STXBP6: variants seen among roughly 807,000 people sequenced by gnomAD.
STXBP6 encodes the protein syntaxin binding protein 6.
Under a neutral mutation model 26.9 loss-of-function variants are expected in STXBP6, and 21 were observed. The observed-to-expected ratio is 0.78, with a 90% CI of 0.55 to 1.12. STXBP6 has a LOEUF of 1.12. Ranked by LOEUF, STXBP6 falls within the 50% of genes most tolerant of loss-of-function variation. STXBP6 has a pLI of 0.00. For synonymous variants in STXBP6, 97 were observed against 92.6 expected, an observed-to-expected ratio of 1.05 and a Z score of -0.27; for missense variants, 232 against 257.9, an observed-to-expected ratio of 0.90 and a Z score of 0.69.
chr14:24,953,613 T>C (rs890894504), intron 2 of STXBP6, among the ~76,000 whole-genome samples: 4 of 152,236 alleles, frequency 2.6e-5, no homozygotes, highest in African/African-American at 9.6e-5. Flanking sequence ...CCAAGTTCTT[T>C]TGTTCTATGT....
At chr14:24,987,947 G>C (rs2074374921) in intron 1 of STXBP6, 1 of 935,880 alleles carries the variant, frequency 1.1e-6, no homozygotes, top group African/African-American at 1.8e-5. Flanking sequence ...GAGCAACAAA[G>C]TACTTTCCCT....
intron 1 of STXBP6, among the ~76,000 whole-genome samples, chr14:25,025,825 C>G (rs767834520): frequency 7.9e-5 from 12 of 152,156 alleles, no homozygotes; most frequent in Non-Finnish European, 1.8e-4. Context: ...TTTCTAAACT[C>G]TAAATTCAAT....
At chr14:24,846,508 T>A (rs961439077) in intron 4 of STXBP6, among the ~76,000 whole-genome samples, 1 of 152,206 alleles carries the variant, frequency 6.6e-6, no homozygotes, top group African/African-American at 2.4e-5. Context: ...TTGTTTTCCA[T>A]ATTTGTTTTG....
At chr14:24,879,224 T>C (rs1016194049) in intron 2 of STXBP6, among the ~76,000 whole-genome samples, 1 of 152,190 alleles carries the variant, frequency 6.6e-6, no homozygotes, top group Non-Finnish European at 1.5e-5. Flanking sequence ...GAAAATAATA[T>C]GTAAGATTGG....
At chr14:24,954,371 A>C (rs1429292200) in intron 2 of STXBP6, among the ~76,000 whole-genome samples, 1 of 152,180 alleles carries the variant, frequency 6.6e-6, no homozygotes, top group Non-Finnish European at 1.5e-5. Context: ...TATTATTAAT[A>C]CTAAGAGGGC....
chr14:24,824,095 T>C (rs2068216233), intron 4 of STXBP6, among the ~76,000 whole-genome samples: 1 of 152,180 alleles, frequency 6.6e-6, no homozygotes, highest in South Asian at 2.1e-4. Context: ...TACAAAAAGG[T>C]AGGATTCACC....
intron 4 of STXBP6, among the ~76,000 whole-genome samples, chr14:24,826,735 C>A (rs759832793): frequency 3.3e-5 from 5 of 152,100 alleles, no homozygotes; most frequent in African/African-American, 1.2e-4. Context: ...ATCCACCCCC[C>A]GACCCCTGTC....
intron 2 of STXBP6, among the ~76,000 whole-genome samples, chr14:24,919,724 G>T (rs2071912897): frequency 1.3e-5 from 2 of 151,960 alleles, no homozygotes; most frequent in Admixed American, 1.3e-4. Context: ...TAGTGACTTG[G>T]TTTATTAAAT....
intron 2 of STXBP6, among the ~76,000 whole-genome samples, chr14:24,968,654 C>T (rs1371927383): frequency 1.3e-5 from 2 of 152,132 alleles, no homozygotes; most frequent in African/African-American, 4.8e-5. Flanking sequence ...TGGTATAAAA[C>T]TTCCATGGGG....
chr14:24,831,779 T>G (rs918008045), intron 4 of STXBP6, among the ~76,000 whole-genome samples: 11 of 152,184 alleles, frequency 7.2e-5, no homozygotes, highest in African/African-American at 2.4e-4. Flanking sequence ...CCTGAAGTCA[T>G]GAGGTTCTCT....
chr14:24,842,253 C>T (rs1035889148), intron 4 of STXBP6, among the ~76,000 whole-genome samples: 8 of 152,180 alleles, frequency 5.3e-5, no homozygotes, highest in African/African-American at 1.9e-4. Context: ...TATTTGTAAA[C>T]TCCTTTCTTG....
chr14:24,998,367 C>A (rs1401049181), intron 1 of STXBP6, among the ~76,000 whole-genome samples: 6 of 152,116 alleles, frequency 3.9e-5, no homozygotes, highest in African/African-American at 1.4e-4. Flanking sequence ...TATTCTTATG[C>A]ATTAATTAGA....
At chr14:24,923,509 C>T (rs1408669522) in intron 2 of STXBP6, among the ~76,000 whole-genome samples, 3 of 152,050 alleles carry the variant, frequency 2.0e-5, no homozygotes, top group Non-Finnish European at 4.4e-5. Context: ...GCACACCTTA[C>T]ATTTTGGAAG....
intron 1 of STXBP6, among the ~76,000 whole-genome samples, chr14:24,977,962 T>A (rs1454014286): frequency 4.6e-5 from 7 of 152,216 alleles, no homozygotes. Flanking sequence ...GATTATCAGA[T>A]TCATTCTATG....
At chr14:24,884,175 T>G (rs1483974331) in intron 2 of STXBP6, among the ~76,000 whole-genome samples, 1 of 152,252 alleles carries the variant, frequency 6.6e-6, no homozygotes, top group African/African-American at 2.4e-5. Context: ...ATCAGCCACC[T>G]ACATTCTGTG....
At chr14:24,847,715 G>T (rs191375660) in intron 4 of STXBP6, among the ~76,000 whole-genome samples, 133 of 152,266 alleles carry the variant, frequency 8.7e-4, no homozygotes, top group African/African-American at 3.0e-3. Flanking sequence ...CTGAGGACAT[G>T]TTGGTGGAAA....
chr14:24,970,209 C>T (rs975573956), intron 2 of STXBP6, among the ~76,000 whole-genome samples: 6 of 151,558 alleles, frequency 4.0e-5, no homozygotes, highest in African/African-American at 1.5e-4. Context: ...CCACTGCACT[C>T]CAGCCTGGGC....
intron 4 of STXBP6, among the ~76,000 whole-genome samples, chr14:24,854,641 G>C (rs564898139): frequency 1.3e-5 from 2 of 152,184 alleles, no homozygotes; most frequent in African/African-American, 2.4e-5. Flanking sequence ...CTGAAAATGT[G>C]GCCCTCTGTG....
chr14:24,856,967 C>T (rs1378891482), intron 3 of STXBP6, 60 bp downstream of exon 3: 2 of 1,578,886 alleles, frequency 1.3e-6, no homozygotes, highest in African/African-American at 2.7e-5. Context: ...CTACCAAGGT[C>T]AATCAGAGAG....
Sources: gnomAD v4.1 joint callset for allele counts (sites outside exome capture counted in the v4.1 genomes callset) on GRCh38, gnomAD v4.1.1 for gene constraint, MANE v1.5 for transcripts, NCBI Gene and HGNC (gene_info 2026-07-23, HGNC 2026-07-21) for gene names.